SPPL3: variants seen among roughly 807,000 people sequenced by gnomAD.
The protein encoded by SPPL3 is signal peptide peptidase like 3, also known as signal peptide peptidase-like 3.
Under a neutral mutation model 42.4 loss-of-function variants are expected in SPPL3, and 5 were observed. That is an observed-to-expected ratio of 0.12 (90% CI 0.06 to 0.25). The LOEUF (loss-of-function observed/expected upper bound fraction) is 0.25. Ranked by LOEUF, SPPL3 falls within the 10% of genes least tolerant of loss-of-function variation. The probability of loss-of-function intolerance (pLI) is 1.00; values close to 1 mark genes in which losing one functional copy is unlikely to be tolerated. For missense variants in SPPL3, 235 were observed against 489.0 expected, an observed-to-expected ratio of 0.48 and a Z score of 4.90; for synonymous variants, 195 against 181.8, an observed-to-expected ratio of 1.07 and a Z score of -0.58.
intron 2 of SPPL3, among the ~76,000 whole-genome samples, chr12:120,798,857 G>A (rs980214146): frequency 1.2e-4 from 19 of 152,144 alleles, no homozygotes; most frequent in Non-Finnish European, 2.1e-4. Flanking sequence ...GGATTGGAAG[G>A]TTGCCAGTCA....
intron 1 of SPPL3, among the ~76,000 whole-genome samples, chr12:120,819,745 T>TA (rs1870994118): frequency 6.6e-6 from 1 of 152,172 alleles, no homozygotes; most frequent in Non-Finnish European, 1.5e-5. Flanking sequence ...TTTTATCACT[T>TA]AGTGTACTCA....
chr12:120,902,857 C>T (rs189618723), intron 1 of SPPL3, among the ~76,000 whole-genome samples: 2 of 152,274 alleles, frequency 1.3e-5, no homozygotes, highest in African/African-American at 4.8e-5. Context: ...TACCCGATTT[C>T]CACTCTTCAT....
rs1872278155 is a variant in SPPL3, at chr12:120,852,721, T to TGC, written c.24-41836_24-41835insGC. Among the ~76,000 whole-genome samples the TGC allele has an allele frequency of 2.9e-4, 2 of 6,812 alleles. 1 individual carries two copies. Among genetic ancestry groups the TGC allele is most frequent in the East Asian group, 3.8e-3 (2 of 528 alleles). 4.5% of individuals were successfully genotyped at this position (6,812 alleles called of 152,430 possible). A position where few individuals can be genotyped will look rare whatever the true frequency, so the allele number is the denominator to read the frequency against. On this transcript the variant is annotated intron_variant, in intron 1 of 10. Transcript: ENST00000353487. ...TATTTTACATATATGAAATATATTTTATATATAATATACATATAATATATT... is the reference window on the plus strand; with the variant it reads ...TATTTTACATATATGAAATATATTTTGCATATATAATATACATATAATATATT...
intron 1 of SPPL3, among the ~76,000 whole-genome samples, chr12:120,859,703 G>C (rs909510575): frequency 1.3e-5 from 2 of 151,878 alleles, no homozygotes; most frequent in Non-Finnish European, 2.9e-5. Context: ...CAGCACTCTG[G>C]GAGGTCGAGG....
intron 1 of SPPL3, among the ~76,000 whole-genome samples, chr12:120,846,940 A>G (rs770876538): frequency 1.1e-4 from 16 of 152,332 alleles, no homozygotes; most frequent in Non-Finnish European, 2.1e-4. Context: ...ATATTGTGAC[A>G]GCAAACTCTG....
chr12:120,901,590 T>TAAA (rs754148484), intron 1 of SPPL3, among the ~76,000 whole-genome samples: 1,841 of 103,348 alleles, frequency 0.018, 31 homozygotes, highest in African/African-American at 0.023. Context: ...GACTCCGTCC[T>TAAA]AAAAAAAAAA....
chr12:120,863,981 A>G (rs1389661009), intron 1 of SPPL3, among the ~76,000 whole-genome samples: 1 of 151,998 alleles, frequency 6.6e-6, no homozygotes. Context: ...CCCAGCCTAG[A>G]TGGTAGTTTC....
At chr12:120,779,912 C>G (rs546119532) in intron 6 of SPPL3, among the ~76,000 whole-genome samples, 19 of 147,514 alleles carry the variant, frequency 1.3e-4, no homozygotes, top group African/African-American at 4.8e-4. Context: ...GCAGGAGAAT[C>G]ACTTGAACCT....
intron 1 of SPPL3, among the ~76,000 whole-genome samples, chr12:120,836,407 A>G (rs1412748719): frequency 6.6e-6 from 1 of 152,114 alleles, no homozygotes; most frequent in East Asian, 1.9e-4. Context: ...AGACAACTAC[A>G]TGAGAAAGGT....
chr12:120,766,098 GCGCACACACACACACACA>G (rs11267128), intron 10 of SPPL3, among the ~76,000 whole-genome samples, 147 bp downstream of exon 10: 54,811 of 144,064 alleles, frequency 0.38, 11,845 homozygotes, highest in Admixed American at 0.55. Context: ...TAGCGCGCGC[GCGCACACACACACACACA>G]CACACACACA....
intron 9 of SPPL3, among the ~76,000 whole-genome samples, 162 bp from the exon 10 acceptor site, chr12:120,766,534 GCACAGC>G (rs1868914483): frequency 1.3e-5 from 2 of 152,176 alleles, no homozygotes; most frequent in African/African-American, 4.8e-5. Context: ...ATGTGGATCA[GCACAGC>G]TTTAAAAAAC....
chr12:120,788,260 GCTTT>G lies in SPPL3; in HGVS notation c.190+3205_190+3208del, dbSNP rs369589071. Among the ~76,000 whole-genome samples, 16 of 152,260 alleles carry G rather than the reference GCTTT, an allele frequency of 1.1e-4. No homozygotes were observed. In the East Asian group the frequency reaches 2.7e-3, roughly 26 times the overall value. ...TTACTGTCTTCACTTTTACTTTTCTGCTTTCTAATGAGTTGAGTGCCATAGTTCC... is the reference window on the plus strand; with the variant it reads ...TTACTGTCTTCACTTTTACTTTTCTGCTAATGAGTTGAGTGCCATAGTTCC... On this transcript the variant is annotated intron_variant, in intron 3 of 10. Transcript: ENST00000353487.
At chr12:120,782,876 T>A (rs142624837) in intron 5 of SPPL3, 109 bp from the exon 6 acceptor site, 1 of 778,388 alleles carries the variant, frequency 1.3e-6, no homozygotes, top group Non-Finnish European at 2.1e-6. Flanking sequence ...AATACCAAGA[T>A]AGCTGGAAAT....
Position 120,903,833 on chromosome 12 carries a change from C to G in SPPL3, c.23+12G>C, listed in dbSNP as rs1230068940. 2 of 1,477,072 alleles carry G rather than the reference C, an allele frequency of 1.4e-6. No homozygotes were observed. The highest frequency in any genetic ancestry group is 1.8e-6 in the Non-Finnish European group (2 of 1,120,306). 91.5% of individuals were successfully genotyped at this position (1,477,072 alleles called of 1,614,324 possible). Reference sequence around the variant, plus strand: ...CTTGCCGCCTCCCGGCCTCCCGGAGCCCCGCACTCACCACGAGTAGGTCTG... The same window carrying G: ...CTTGCCGCCTCCCGGCCTCCCGGAGGCCCGCACTCACCACGAGTAGGTCTG... On this transcript the variant is annotated intron_variant, in intron 1 of 10. Coordinates refer to ENST00000353487, the MANE Select transcript of SPPL3 (RefSeq NM_139015.5).
Position 120,764,996 on chromosome 12 carries a change from C to CCAT in SPPL3, c.1155_*2dup. 6.2e-7 allele frequency: 1 copy of CCAT among 1,613,714 alleles called. No individual in the cohort carries two copies. The highest frequency in any genetic ancestry group is 8.5e-7 in the Non-Finnish European group (1 of 1,179,826). ...GCCATCTGGTCACTTTCCACGTGAT[C>CCAT]CATCATACTTCCAGGAATCGGGAGC... is the stretch of plus-strand genomic sequence containing the variant. On this transcript the variant is annotated 3_prime_UTR_variant, in exon 11 of 11. Transcript: ENST00000353487.
chr12:120,845,408 G>A, intron 1 of SPPL3: 1 of 386,024 alleles, frequency 2.6e-6, no homozygotes, highest in South Asian at 2.6e-5. Flanking sequence ...GTGTGTTCTG[G>A]AAGTAGTGGC....
intron 1 of SPPL3, among the ~76,000 whole-genome samples, chr12:120,830,597 G>GAGAGAGAGAGAGAA (rs1244760533): frequency 7.2e-6 from 1 of 138,366 alleles, no homozygotes; most frequent in African/African-American, 2.7e-5. Context: ...GAGAGAGAGA[G>GAGAGAGAGAGAGAA]AGAGAGAGAA....
At position 120,895,618 on chromosome 12, in the gene SPPL3, G is replaced by A. The variant is rs78473091; in HGVS notation, c.23+8227C>T. ...CTGGCTAAATTGTGAAACAAGAGAA[G>A]TCATTTCTATAGTGAGGAACTCTAT... On this transcript the variant is annotated intron_variant, in intron 1 of 10. Coordinates refer to ENST00000353487, the MANE Select transcript of SPPL3 (RefSeq NM_139015.5). 3.9e-4 allele frequency among the ~76,000 whole-genome samples: 60 copies of A among 152,332 alleles called. No homozygotes were observed. The East Asian group carries it at 0.011, about 27-fold the overall frequency.
rs546401705 is a variant in SPPL3, at chr12:120,764,327, T to C, written c.*672A>G. The C allele has an allele frequency of 1.3e-5, 2 of 152,672 alleles. No homozygotes were observed. Among genetic ancestry groups the C allele is most frequent in the South Asian group, 4.1e-4 (2 of 4,826 alleles). 9.5% of individuals were successfully genotyped at this position (152,672 alleles called of 1,614,324 possible). Reference sequence around the variant, plus strand: ...ATATCTATGTGTGTGTTTATATATATATATGTACGTATGTATAAAAACCGT... The same window carrying C: ...ATATCTATGTGTGTGTTTATATATACATATGTACGTATGTATAAAAACCGT... On this transcript the variant is annotated 3_prime_UTR_variant, in exon 11 of 11. Transcript: ENST00000353487.
Sources: gnomAD v4.1 joint callset for allele counts (sites outside exome capture counted in the v4.1 genomes callset) on GRCh38, gnomAD v4.1.1 for gene constraint, MANE v1.5 for transcripts, NCBI Gene and HGNC (gene_info 2026-07-23, HGNC 2026-07-21) for gene names.